Variants in GABBR2 observed in about 807,000 individuals in gnomAD.
GABBR2 encodes G-protein coupled receptor 51.
In GABBR2, 23 loss-of-function variants were observed where a neutral mutation model predicts 105.6. The ratio of observed to expected loss-of-function variants is 0.22; its 90% CI spans 0.16 to 0.31. The LOEUF (loss-of-function observed/expected upper bound fraction) is 0.31, where lower values mean the gene tolerates loss of function less well. Among genes scored for constraint, GABBR2 ranks in the 10% least tolerant of loss-of-function variants. GABBR2 has a pLI of 1.00. For missense variants in GABBR2, 734 were observed against 1,245.5 expected (o/e 0.59, Z 6.18); for synonymous variants, 478 against 499.7 (o/e 0.96, Z 0.58).
intron 7 of GABBR2, among the ~76,000 whole-genome samples, chr9:98,439,888 C>G (rs1336818): frequency 1 from 152,297 of 152,368 alleles, 76,113 homozygotes; most frequent in Middle Eastern, 1. Context: ...CTCTTTAATC[C>G]TCACAGCCCT....
intron 3 of GABBR2, among the ~76,000 whole-genome samples, chr9:98,538,294 A>G (rs930860848): frequency 3.9e-5 from 6 of 152,090 alleles, no homozygotes; most frequent in African/African-American, 1.4e-4. Flanking sequence ...CTGGTACCAA[A>G]TCCTTCCTTC....
intron 1 of GABBR2, among the ~76,000 whole-genome samples, chr9:98,693,213 G>GC (rs1337285137): frequency 5.3e-5 from 8 of 152,178 alleles, no homozygotes; most frequent in Non-Finnish European, 1.2e-4. Flanking sequence ...ATGAGGTCCT[G>GC]CCCCCTGATG....
At chr9:98,672,325 T>G (rs995084391) in intron 1 of GABBR2, among the ~76,000 whole-genome samples, 1 of 152,386 alleles carries the variant, frequency 6.6e-6, no homozygotes, top group East Asian at 1.9e-4. Flanking sequence ...TTTTTGTAAC[T>G]GGCTCATTTC....
intron 7 of GABBR2, among the ~76,000 whole-genome samples, chr9:98,418,957 C>T (rs1316406263): frequency 6.6e-6 from 1 of 152,228 alleles, no homozygotes; most frequent in African/African-American, 2.4e-5. Context: ...TTTTGCTTTA[C>T]TGTAGGTTCT....
At chr9:98,312,090 C>T (rs1353888659) in intron 13 of GABBR2, among the ~76,000 whole-genome samples, 2 of 152,220 alleles carry the variant, frequency 1.3e-5, no homozygotes, top group African/African-American at 4.8e-5. Context: ...AAGGGATTCC[C>T]TTGCACAATC....
intron 1 of GABBR2, among the ~76,000 whole-genome samples, chr9:98,692,250 G>A (rs1323983436): frequency 6.6e-6 from 1 of 152,162 alleles, no homozygotes; most frequent in African/African-American, 2.4e-5. Context: ...CGTGGCAGGA[G>A]GCAGGTGCTC....
At chr9:98,371,633 T>C (rs1260148457) in intron 11 of GABBR2, 62 bp from the exon 12 acceptor site, 3 of 880,022 alleles carry the variant, frequency 3.4e-6, no homozygotes, top group South Asian at 1.3e-5. Context: ...TCATCAGGTA[T>C]GAGTCCACCC....
At position 98,423,302 on chromosome 9, in the gene GABBR2, C is replaced by A. The variant is rs1276559999; in HGVS notation, c.1237-17161G>T. The stretch of plus-strand genomic sequence containing the variant: ...TCCTGACTTTTTAATGATCGCCATT[C>A]TAACTGGTGTGAGATGGTATCTCAT... On this transcript the variant is annotated intron_variant, in intron 7 of 18. Transcript: ENST00000259455. Among the ~76,000 whole-genome samples, 3 of 152,358 alleles carry A rather than the reference C, an allele frequency of 2.0e-5. 1 individual carries two copies. In the Middle Eastern group the frequency reaches 0.01, roughly 518 times the overall value.
At chr9:98,499,572 T>C (rs889059293) in intron 3 of GABBR2, among the ~76,000 whole-genome samples, 1 of 152,216 alleles carries the variant, frequency 6.6e-6, no homozygotes, top group African/African-American at 2.4e-5. Flanking sequence ...AGTAATATTA[T>C]AAATGGCATT....
intron 1 of GABBR2, among the ~76,000 whole-genome samples, chr9:98,585,450 A>G (rs570171000): frequency 2.1e-5 from 3 of 140,564 alleles, no homozygotes; most frequent in Non-Finnish European, 4.6e-5. Flanking sequence ...ATGAGAACAC[A>G]TGGACACAGG....
chr9:98,315,424 G>A (rs1830698285), intron 13 of GABBR2, among the ~76,000 whole-genome samples: 1 of 152,220 alleles, frequency 6.6e-6, no homozygotes, highest in Non-Finnish European at 1.5e-5. Flanking sequence ...GGTGGCAGGG[G>A]TTGGGATAGT....
At chr9:98,607,077 T>G in intron 1 of GABBR2, 1 of 1,506,062 alleles carries the variant, frequency 6.6e-7, no homozygotes, top group Non-Finnish European at 9.2e-7. Flanking sequence ...AGTTAAGAGA[T>G]CTGGTTTTGA....
intron 1 of GABBR2, among the ~76,000 whole-genome samples, chr9:98,674,156 G>A (rs1437806109): frequency 6.6e-6 from 1 of 152,162 alleles, no homozygotes; most frequent in East Asian, 1.9e-4. Flanking sequence ...CACTGCCCAG[G>A]ATGGTGCCTG....
chr9:98,405,088 C>T (rs1013674252), intron 8 of GABBR2, among the ~76,000 whole-genome samples: 1 of 151,974 alleles, frequency 6.6e-6, no homozygotes, highest in African/African-American at 2.4e-5. Flanking sequence ...GAGATGAGAT[C>T]GTGTCTAGGA....
At chr9:98,491,389 C>G (rs879833985) in intron 4 of GABBR2, among the ~76,000 whole-genome samples, 6 of 152,200 alleles carry the variant, frequency 3.9e-5, no homozygotes, top group Non-Finnish European at 8.8e-5. Flanking sequence ...CTGAAAGTCT[C>G]TTCCTTTTGA....
At chr9:98,511,812 G>A (rs567070110) in intron 3 of GABBR2, among the ~76,000 whole-genome samples, 28 of 152,212 alleles carry the variant, frequency 1.8e-4, no homozygotes, top group East Asian at 1.5e-3. Flanking sequence ...ATTCACAGCC[G>A]AATTCTACCA....
At chr9:98,596,142 C>T (rs1829230941) in intron 1 of GABBR2, among the ~76,000 whole-genome samples, 1 of 152,240 alleles carries the variant, frequency 6.6e-6, no homozygotes, top group Non-Finnish European at 1.5e-5. Context: ...AAGTATCCCA[C>T]TTACTAGCTG....
intron 4 of GABBR2, among the ~76,000 whole-genome samples, chr9:98,485,289 G>C (rs1827020198): frequency 6.6e-6 from 1 of 152,134 alleles, no homozygotes; most frequent in Non-Finnish European, 1.5e-5. Context: ...GGTGGGAATG[G>C]GGTAGGAAAA....
intron 13 of GABBR2, among the ~76,000 whole-genome samples, chr9:98,358,870 C>A (rs1203755406): frequency 6.6e-6 from 1 of 152,154 alleles, no homozygotes; most frequent in African/African-American, 2.4e-5. Context: ...GCCTCAGGGA[C>A]CCTTTCCACC....
Sources: allele counts gnomAD v4.1 joint callset (sites outside exome capture counted in the v4.1 genomes callset), GRCh38; gene constraint gnomAD v4.1.1; transcripts MANE v1.5; gene names NCBI Gene and HGNC (gene_info 2026-07-23, HGNC 2026-07-21).